Variants in COL19A1 observed in about 807,000 individuals in gnomAD.
COL19A1 encodes the protein collagen type XIX alpha 1 chain, also known as collagen alpha-1(XIX) chain.
In COL19A1, 159 loss-of-function variants were observed where a neutral mutation model predicts 190.2. The observed-to-expected ratio is 0.84, with a 90% CI of 0.73 to 0.95. COL19A1 has a LOEUF of 0.95. COL19A1 is among the 40% of genes least tolerant of loss of function. The probability of loss-of-function intolerance (pLI) is 0.00; values close to 1 mark genes in which losing one functional copy is unlikely to be tolerated. For synonymous variants in COL19A1, 509 were observed against 458.9 expected (o/e 1.11, Z -1.39); for missense variants, 1,418 against 1,431.9 (o/e 0.99, Z 0.16).
intron 17 of COL19A1, among the ~76,000 whole-genome samples, chr6:70,128,816 A>T (rs1785348766): frequency 1.3e-5 from 2 of 152,260 alleles, no homozygotes; most frequent in African/African-American, 2.4e-5. Flanking sequence ...ACCCAAAGGA[A>T]GAGTAAACTT....
intron 46 of COL19A1, among the ~76,000 whole-genome samples, chr6:70,187,781 A>C (rs1766618941): frequency 6.6e-6 from 1 of 152,088 alleles, no homozygotes; most frequent in Admixed American, 6.6e-5. Flanking sequence ...TAGATGGGCA[A>C]CCAAGCACAC....
Position 70,140,876 on chromosome 6 carries a change from AT to A in COL19A1, c.1447-77del, listed in dbSNP as rs1425417096. The A allele has an allele frequency of 3.6e-6, 5 of 1,387,620 alleles. No individual in the cohort carries two copies. In the East Asian group the frequency reaches 1.1e-4, roughly 32 times the overall value. The allele number at this position is 1,387,620 out of a possible 1,614,324, so 86.0% of individuals were successfully genotyped here. A position where few individuals can be genotyped will look rare whatever the true frequency, so the allele number is the denominator to read the frequency against. ...TGCAATGGGAATCTGAGTTTGGCCT[AT>A]AGGGTTTATCCACACCCCGGTTTGG... On this transcript the variant is annotated intron_variant, in intron 19 of 50. Coordinates refer to ENST00000620364, the MANE Select transcript of COL19A1 (RefSeq NM_001858.6).
intron 42 of COL19A1, among the ~76,000 whole-genome samples, chr6:70,179,671 A>G (rs1439328432): frequency 6.6e-6 from 1 of 152,226 alleles, no homozygotes; most frequent in Non-Finnish European, 1.5e-5. Context: ...CTCCCAAAGT[A>G]AAGAAGAGCT....
At chr6:70,175,411 TC>T (rs1028601944) in intron 41 of COL19A1, among the ~76,000 whole-genome samples, 8 of 152,012 alleles carry the variant, frequency 5.3e-5, no homozygotes, top group Admixed American at 5.2e-4. Context: ...TTCTTTGAGC[TC>T]TTTTATAATG....
intron 11 of COL19A1, among the ~76,000 whole-genome samples, chr6:69,985,451 G>A (rs1178018122): frequency 1.3e-5 from 2 of 152,132 alleles, no homozygotes; most frequent in African/African-American, 4.8e-5. Flanking sequence ...AGATGACTCA[G>A]AGACTTTTCA....
intron 11 of COL19A1, among the ~76,000 whole-genome samples, chr6:69,978,131 G>A (rs1775828528): frequency 2.0e-5 from 3 of 148,512 alleles, no homozygotes. Context: ...CCTGAGAAGA[G>A]GAGTAAGAAA....
At chr6:69,988,563 C>T (rs898936631) in intron 11 of COL19A1, among the ~76,000 whole-genome samples, 1 of 152,196 alleles carries the variant, frequency 6.6e-6, no homozygotes, top group South Asian at 2.1e-4. Context: ...ACCTCTTATA[C>T]CTTTCCATGT....
chr6:70,145,718 G>GTTTTTTT (rs1554216042), intron 25 of COL19A1, among the ~76,000 whole-genome samples: 1 of 91,672 alleles, frequency 1.1e-5, no homozygotes, highest in Non-Finnish European at 2.2e-5. Flanking sequence ...TCATCTTATT[G>GTTTTTTT]TTTCTTTTTT....
chr6:70,201,348 C>T (rs889190332), intron 49 of COL19A1, among the ~76,000 whole-genome samples: 1 of 152,224 alleles, frequency 6.6e-6, no homozygotes, highest in African/African-American at 2.4e-5. Context: ...AGAGGCAATT[C>T]TAAACCCACA....
intron 4 of COL19A1, among the ~76,000 whole-genome samples, chr6:69,919,176 C>G (rs1561994313): frequency 6.6e-6 from 1 of 152,124 alleles, no homozygotes. Context: ...CTGTGTCTTC[C>G]CTCTTAGAAC....
intron 16 of COL19A1, among the ~76,000 whole-genome samples, chr6:70,119,214 T>C (rs539944963): frequency 6.6e-6 from 1 of 152,314 alleles, no homozygotes; most frequent in African/African-American, 2.4e-5. Context: ...TAGGATACAT[T>C]TGAATACAGT....
chr6:70,162,918 T>G (rs141995556), intron 35 of COL19A1, among the ~76,000 whole-genome samples: 16 of 152,296 alleles, frequency 1.1e-4, no homozygotes, highest in Admixed American at 1.0e-3. Flanking sequence ...AAATTAAATT[T>G]TATTTTTCAG....
At chr6:70,067,083 A>C (rs1163138787) in intron 14 of COL19A1, among the ~76,000 whole-genome samples, 1 of 152,148 alleles carries the variant, frequency 6.6e-6, no homozygotes, top group African/African-American at 2.4e-5. Context: ...TAATCACTTA[A>C]ATGAATTAGT....
intron 11 of COL19A1, among the ~76,000 whole-genome samples, chr6:70,004,871 C>T (rs1329157918): frequency 5.3e-5 from 8 of 151,164 alleles, no homozygotes; most frequent in East Asian, 3.9e-4. Flanking sequence ...GCTCTGTTGC[C>T]GCCCAAGCTG....
chr6:70,032,888 A>G (rs956268621), intron 12 of COL19A1, among the ~76,000 whole-genome samples: 2 of 152,188 alleles, frequency 1.3e-5, no homozygotes, highest in Non-Finnish European at 2.9e-5. Context: ...AAGTGTTTAC[A>G]ATATTCTGTT....
chr6:70,185,807 C>T (rs1766478127), intron 46 of COL19A1, among the ~76,000 whole-genome samples: 1 of 152,082 alleles, frequency 6.6e-6, no homozygotes, highest in Non-Finnish European at 1.5e-5. Context: ...TGTTTGTATA[C>T]TGGTGTCTAG....
At chr6:70,125,828 G>C (rs1305770353) in intron 17 of COL19A1, among the ~76,000 whole-genome samples, 1 of 152,164 alleles carries the variant, frequency 6.6e-6, no homozygotes, top group African/African-American at 2.4e-5. Flanking sequence ...TTCCCCTCAA[G>C]GAAAATCTGC....
intron 3 of COL19A1, among the ~76,000 whole-genome samples, chr6:69,899,958 C>G (rs1770057714): frequency 6.6e-6 from 1 of 152,106 alleles, no homozygotes; most frequent in Admixed American, 6.5e-5. Context: ...CTAATTTTTA[C>G]TTAAGATAAT....
intron 27 of COL19A1, among the ~76,000 whole-genome samples, chr6:70,148,792 T>G (rs1481070507): frequency 6.6e-6 from 1 of 151,944 alleles, no homozygotes; most frequent in African/African-American, 2.4e-5. Flanking sequence ...CCAAACGTGG[T>G]GGTGGGTGCC....
Sources: allele counts gnomAD v4.1 joint callset (sites outside exome capture counted in the v4.1 genomes callset), GRCh38; gene constraint gnomAD v4.1.1; transcripts MANE v1.5; gene names NCBI Gene and HGNC (gene_info 2026-07-23, HGNC 2026-07-21).